Variants in ARHGAP31 observed in about 807,000 individuals in gnomAD.
The protein encoded by ARHGAP31 is Rho GTPase activating protein 31, also known as rho GTPase-activating protein 31.
Under a neutral mutation model 113.9 loss-of-function variants are expected in ARHGAP31, and 34 were observed. The ratio of observed to expected loss-of-function variants is 0.30; its 90% CI spans 0.23 to 0.40. ARHGAP31 has a LOEUF of 0.40. Among genes scored for constraint, ARHGAP31 ranks in the 10% least tolerant of loss-of-function variants. ARHGAP31 has a pLI of 1.00. For synonymous variants in ARHGAP31, 650 were observed against 684.8 expected, an observed-to-expected ratio of 0.95 and a Z score of 0.79; for missense variants, 1,548 against 1,767.1, an observed-to-expected ratio of 0.88 and a Z score of 2.22.
Position 119,294,442 on chromosome 3 carries a change from C to T in ARHGAP31, c.-463C>T. On this transcript the variant is annotated 5_prime_UTR_variant, in exon 1 of 12. Transcript: ENST00000264245. ...TTGTTTTTCGCTCTACCAAAGTCGT[C>T]TGAAGGCGAGACAGCGGGCCCAGGG... The T allele has an allele frequency of 2.5e-6, 1 of 405,646 alleles. No individual in the cohort carries two copies. The allele number at this position is 405,646 out of a possible 1,614,324, so 25.1% of individuals were successfully genotyped here. A position where few individuals can be genotyped will look rare whatever the true frequency, so the allele number is the denominator to read the frequency against.
intron 1 of ARHGAP31, among the ~76,000 whole-genome samples, chr3:119,346,462 G>T (rs757333277): frequency 6.6e-6 from 1 of 152,192 alleles, no homozygotes; most frequent in Non-Finnish European, 1.5e-5. Flanking sequence ...GAACAAGGAA[G>T]GGTTCTCTCT....
intron 1 of ARHGAP31, among the ~76,000 whole-genome samples, chr3:119,300,401 A>G (rs2079570893): frequency 6.6e-6 from 1 of 152,216 alleles, no homozygotes; most frequent in African/African-American, 2.4e-5. Flanking sequence ...AGGGACAAGA[A>G]GCAAGTTGCT....
In ARHGAP31 at chr3:119,314,025, G is replaced by C. The variant is rs9872394; in HGVS notation, c.100+19021G>C. 1.0e-2 allele frequency among the ~76,000 whole-genome samples: 1,516 copies of C among 152,280 alleles called. 23 individuals carry two copies. The highest frequency in any genetic ancestry group is 0.035 in the African/African-American group (1,457 of 41,556). ...ACACCAACTCCATCAACACCAACAAGGTTTGCCGCCTTCACATGCAGATAC... is the reference window on the plus strand; with the variant it reads ...ACACCAACTCCATCAACACCAACAACGTTTGCCGCCTTCACATGCAGATAC... On this transcript the variant is annotated intron_variant, in intron 1 of 11. Coordinates refer to ENST00000264245, the MANE Select transcript of ARHGAP31 (RefSeq NM_020754.4).
intron 1 of ARHGAP31, among the ~76,000 whole-genome samples, chr3:119,332,448 C>T (rs932999134): frequency 1.3e-5 from 2 of 152,130 alleles, no homozygotes; most frequent in South Asian, 4.2e-4. Flanking sequence ...GATCCACCCA[C>T]CTCGGCCTCC....
At chr3:119,365,971 G>A (rs1473467591) in intron 2 of ARHGAP31, among the ~76,000 whole-genome samples, 2 of 151,874 alleles carry the variant, frequency 1.3e-5, no homozygotes, top group African/African-American at 4.8e-5. Flanking sequence ...ATTACTGATG[G>A]GTGAACTATT....
At chr3:119,355,119 T>A (rs2080144207) in intron 1 of ARHGAP31, among the ~76,000 whole-genome samples, 1 of 152,330 alleles carries the variant, frequency 6.6e-6, no homozygotes, top group Admixed American at 6.5e-5. Flanking sequence ...CTTCATCACT[T>A]GTGGTATCAC....
chr3:119,365,257 T>C, intron 1 of ARHGAP31, 59 bp from the exon 2 acceptor site: 1 of 1,429,222 alleles, frequency 7.0e-7, no homozygotes, highest in East Asian at 2.3e-5. Flanking sequence ...AGGATATCTT[T>C]AAAAGACAGG....
intron 3 of ARHGAP31, among the ~76,000 whole-genome samples, chr3:119,369,217 C>T (rs2080275472): frequency 6.6e-6 from 1 of 152,096 alleles, no homozygotes; most frequent in Admixed American, 6.6e-5. Flanking sequence ...CATTTGGCTG[C>T]ATGGGAGAAG....
At chr3:119,400,039 A>G (rs1396009628) in intron 9 of ARHGAP31, among the ~76,000 whole-genome samples, 1 of 152,234 alleles carries the variant, frequency 6.6e-6, no homozygotes, top group Non-Finnish European at 1.5e-5. Context: ...TACTTATCCC[A>G]TGACTTTCCA....
At chr3:119,315,155 T>C (rs1293934042) in intron 1 of ARHGAP31, among the ~76,000 whole-genome samples, 1 of 152,232 alleles carries the variant, frequency 6.6e-6, no homozygotes, top group Non-Finnish European at 1.5e-5. Flanking sequence ...GCTTTTCTCT[T>C]CTGTGTATAC....
At chr3:119,374,184 A>G (rs999947400) in intron 3 of ARHGAP31, among the ~76,000 whole-genome samples, 3 of 152,142 alleles carry the variant, frequency 2.0e-5, no homozygotes, top group African/African-American at 7.2e-5. Context: ...AGGTGACTGG[A>G]TCATGGGGGT....
chr3:119,370,998 T>C (rs1281473401), intron 3 of ARHGAP31, among the ~76,000 whole-genome samples: 1 of 152,204 alleles, frequency 6.6e-6, no homozygotes, highest in Non-Finnish European at 1.5e-5. Context: ...TTCCAATTGG[T>C]TAAATTATTT....
chr3:119,295,073 GAGT>G, intron 1 of ARHGAP31, 69 bp downstream of exon 1: 1 of 1,430,314 alleles, frequency 7.0e-7, no homozygotes, highest in South Asian at 1.2e-5. Flanking sequence ...GGACTCTCTC[GAGT>G]TGTGATAGAG....
intron 1 of ARHGAP31, among the ~76,000 whole-genome samples, chr3:119,309,131 C>T (rs1358609394): frequency 2.0e-5 from 3 of 152,166 alleles, no homozygotes; most frequent in Non-Finnish European, 4.4e-5. Context: ...TGTGAGCCAC[C>T]GTGCCTGGCC....
intron 3 of ARHGAP31, among the ~76,000 whole-genome samples, chr3:119,372,135 T>C (rs551971840): frequency 2.6e-5 from 4 of 152,196 alleles, no homozygotes; most frequent in Non-Finnish European, 5.9e-5. Flanking sequence ...GTAGTGGGAT[T>C]GCTGGGTCGA....
intron 1 of ARHGAP31, among the ~76,000 whole-genome samples, chr3:119,361,315 T>G (rs1396761846): frequency 6.6e-6 from 1 of 152,040 alleles, no homozygotes; most frequent in Admixed American, 6.6e-5. Context: ...CCCAGGTGAT[T>G]TTATGCACAT....
chr3:119,414,531 G>A lies in ARHGAP31; in HGVS notation c.2602G>A (p.Val868Ile). Residue 868 changes from valine (V) to isoleucine (I), a missense_variant, in exon 12 of 12, where the codon GTT (valine) becomes ATT (isoleucine). Physicochemically the swap from Val to Ile is conservative, Grantham distance 29. Transcript: ENST00000264245. ...TGGTTTTCCAAGCCCAACCAGGGAG[G>A]TTGAGATCGTCTCACAAGAAGAGGA... The part of the protein sequence containing the change: ...GCGFPSPTRE[V>I]EIVSQEEEDV... 1.2e-6 allele frequency: 2 copies of A among 1,614,214 alleles called. No individual in the cohort carries two copies. Among genetic ancestry groups the A allele is most frequent in the East Asian group, 2.2e-5 (1 of 44,880 alleles).
intron 11 of ARHGAP31, 49 bp downstream of exon 11, chr3:119,409,825 C>A: frequency 6.5e-7 from 1 of 1,527,312 alleles, no homozygotes; most frequent in East Asian, 2.4e-5. Flanking sequence ...TATTTTTTCC[C>A]AAGGGCTCTT....
At chr3:119,326,205 A>T (rs1260778985) in intron 1 of ARHGAP31, among the ~76,000 whole-genome samples, 1 of 152,282 alleles carries the variant, frequency 6.6e-6, no homozygotes, top group East Asian at 1.9e-4. Context: ...AAATAAAAGT[A>T]ATAATAATAA....
Sources: gnomAD v4.1 joint callset for allele counts (sites outside exome capture counted in the v4.1 genomes callset) on GRCh38, gnomAD v4.1.1 for gene constraint, MANE v1.5 for transcripts, NCBI Gene and HGNC (gene_info 2026-07-23, HGNC 2026-07-21) for gene names.